Variants in APOBEC1 observed in about 807,000 individuals in gnomAD.
APOBEC1 encodes the protein apolipoprotein B mRNA editing enzyme catalytic subunit 1.
A neutral mutation model predicts 26.3 loss-of-function variants in APOBEC1; 22 were observed. The observed-to-expected ratio is 0.84, with a 90% CI of 0.60 to 1.19. The LOEUF (loss-of-function observed/expected upper bound fraction) is 1.19. APOBEC1 is among the 50% of genes most tolerant of loss of function. The pLI is 0.00. For missense variants in APOBEC1, 253 were observed against 289.0 expected (o/e 0.88, Z 0.90); for synonymous variants, 77 against 95.3 (o/e 0.81, Z 1.12).
upstream of APOBEC1, chr12:7,665,932 C>A: frequency 6.2e-7 from 1 of 1,603,838 alleles, no homozygotes; most frequent in Non-Finnish European, 8.5e-7. Context: ...TGTTCCTGGA[C>A]TTTGTTGCTT....
chr12:7,649,751 T>C (rs1863612793), intron 4 of APOBEC1, 55 bp from the exon 5 acceptor site: 1 of 1,218,858 alleles, frequency 8.2e-7, no homozygotes, highest in Non-Finnish European at 1.2e-6. Flanking sequence ...TAATTAATAA[T>C]ATTATCACCA....
At chr12:7,665,649 G>A (rs935596744) in intron 1 of APOBEC1, among the ~76,000 whole-genome samples, 1 of 151,700 alleles carries the variant, frequency 6.6e-6, no homozygotes, top group African/African-American at 2.4e-5. Context: ...AAAGTCACTT[G>A]GAGATGTAAA....
chr12:7,665,896 C>T lies in APOBEC1; in HGVS notation c.-24G>A. The T allele has an allele frequency of 6.2e-7, 1 of 1,613,730 alleles. No homozygotes were observed. The highest frequency in any genetic ancestry group is 8.5e-7 in the Non-Finnish European group (1 of 1,179,858). ...ATGGTGCTCTGTCTCTGGACTTCCT[C>T]CTCTGGAGTCATAAGTTGTGCTGAT... On this transcript the variant is annotated 5_prime_UTR_variant, in exon 1 of 5. Coordinates refer to ENST00000229304, the MANE Select transcript of APOBEC1 (RefSeq NM_001644.5).
In APOBEC1 at chr12:7,663,847, T is replaced by C. The variant is rs1016451122; in HGVS notation, c.16+2010A>G. On this transcript the variant is annotated intron_variant, in intron 1 of 4. Transcript: ENST00000229304. ...TTTGGTCTTTCCCCCAGTATGCCACTTAAAAAAGAATTTTTTTTTTTTTCC... is the reference window on the plus strand; with the variant it reads ...TTTGGTCTTTCCCCCAGTATGCCACCTAAAAAAGAATTTTTTTTTTTTTCC... Among the ~76,000 whole-genome samples the C allele has an allele frequency of 2.0e-5, 3 of 149,706 alleles. No homozygotes were observed. In the Admixed American group the frequency reaches 2.0e-4, roughly 10 times the overall value.
At chr12:7,667,907 G>A (rs992880933), upstream of APOBEC1, among the ~76,000 whole-genome samples, 13 of 104,080 alleles carry the variant, frequency 1.2e-4, no homozygotes, top group African/African-American at 7.0e-5. Context: ...GTGAGACTAC[G>A]TCTAAAAAAA....
intron 1 of APOBEC1, among the ~76,000 whole-genome samples, chr12:7,657,539 C>T (rs761616095): frequency 7.9e-5 from 12 of 151,156 alleles, no homozygotes; most frequent in Non-Finnish European, 1.2e-4. Context: ...CTACTAAATT[C>T]CTTAAAATAA....
chr12:7,654,963 C>A (rs1863693009), intron 1 of APOBEC1, among the ~76,000 whole-genome samples: 1 of 152,180 alleles, frequency 6.6e-6, no homozygotes, highest in African/African-American at 2.4e-5. Context: ...AATTCTAGCA[C>A]TTTGGGAGAC....
intron 1 of APOBEC1, among the ~76,000 whole-genome samples, chr12:7,656,212 C>T (rs7305040): frequency 0.041 from 6,135 of 151,004 alleles, 442 homozygotes; most frequent in African/African-American, 0.14. Flanking sequence ...ATACCGCAGG[C>T]CTGCTGCTCC....
upstream of APOBEC1, among the ~76,000 whole-genome samples, chr12:7,669,849 G>A (rs200061418): frequency 1.3e-5 from 2 of 152,006 alleles, no homozygotes; most frequent in South Asian, 2.1e-4. Flanking sequence ...GTGAGTGTGT[G>A]GTAGTATCTC....
intron 1 of APOBEC1, among the ~76,000 whole-genome samples, chr12:7,660,699 T>C (rs1863804846): frequency 4.4e-5 from 1 of 22,550 alleles, no homozygotes; most frequent in Non-Finnish European, 9.1e-5. Context: ...TGAGATTCCA[T>C]CTAAAAAAAA....
In APOBEC1 at chr12:7,651,115, C is replaced by A. The variant is rs779268089; in HGVS notation, c.469G>T (p.Val157Phe). 1.3e-5 allele frequency: 21 copies of A among 1,613,702 alleles called. No individual in the cohort carries two copies. The African/African-American group carries it at 2.7e-4, about 21-fold the overall frequency. The change falls in exon 4 of 5, where the codon GTC (valine) becomes TTC (phenylalanine). Residue 157 changes from valine to phenylalanine, a missense_variant. Transcript: ENST00000229304. ...GCTTCATCCCCAGGTGGGTAGTTGACAAAATTCCTCCAGCAGTGATAATAC... is the reference window on the plus strand; with the variant it reads ...GCTTCATCCCCAGGTGGGTAGTTGAAAAAATTCCTCCAGCAGTGATAATAC... ...SEYYHCWRNFVNYPPGDEAHW... is the reference protein window; with the variant it reads ...SEYYHCWRNFFNYPPGDEAHW...
chr12:7,657,122 T>C (rs1863726807), intron 1 of APOBEC1, among the ~76,000 whole-genome samples: 1 of 151,858 alleles, frequency 6.6e-6, no homozygotes, highest in Non-Finnish European at 1.5e-5. Flanking sequence ...CTAATAATAC[T>C]GGTAACATAA....
chr12:7,661,987 A>G (rs1316919179), intron 1 of APOBEC1, among the ~76,000 whole-genome samples: 1 of 152,198 alleles, frequency 6.6e-6, no homozygotes, highest in Admixed American at 6.5e-5. Flanking sequence ...GCTCATGCCT[A>G]TAATCCCAAC....
intron 2 of APOBEC1, among the ~76,000 whole-genome samples, chr12:7,653,701 C>CT (rs1863678067): frequency 6.6e-6 from 1 of 152,086 alleles, no homozygotes; most frequent in South Asian, 2.1e-4. Context: ...TCAATGGACT[C>CT]TAACCAGATT....
chr12:7,659,333 ATATATATATATATATATG>A, intron 1 of APOBEC1, among the ~76,000 whole-genome samples: 1 of 104,344 alleles, frequency 9.6e-6, no homozygotes, highest in Non-Finnish European at 1.9e-5. Flanking sequence ...ATATATATAT[ATATATATATATATATATG>A]TTTATATTTG....
At chr12:7,656,249 C>T (rs764449522) in intron 1 of APOBEC1, among the ~76,000 whole-genome samples, 36 of 152,146 alleles carry the variant, frequency 2.4e-4, no homozygotes, top group African/African-American at 8.4e-4. Flanking sequence ...CAGATTACTC[C>T]ATGGTTATGA....
chr12:7,651,913 C>T (rs1008185991), intron 3 of APOBEC1, among the ~76,000 whole-genome samples: 2 of 151,292 alleles, frequency 1.3e-5, no homozygotes, highest in East Asian at 3.9e-4. Context: ...CTCCGCCTCC[C>T]GGGTTCACGC....
chr12:7,665,102 C>A (rs1370840783), intron 1 of APOBEC1, among the ~76,000 whole-genome samples: 2 of 152,088 alleles, frequency 1.3e-5, no homozygotes, highest in Non-Finnish European at 2.9e-5. Flanking sequence ...GAATCCAGCT[C>A]AAATCCTAGC....
intron 2 of APOBEC1, among the ~76,000 whole-genome samples, chr12:7,653,840 A>G (rs1343941129): frequency 1.3e-5 from 2 of 152,198 alleles, no homozygotes; most frequent in African/African-American, 4.8e-5. Flanking sequence ...AAGAAATTCT[A>G]CTTGCTCTCA....
Sources: gnomAD v4.1 joint callset for allele counts (sites outside exome capture counted in the v4.1 genomes callset) on GRCh38, gnomAD v4.1.1 for gene constraint, MANE v1.5 for transcripts, NCBI Gene and HGNC (gene_info 2026-07-23, HGNC 2026-07-21) for gene names.